The following IL1RAPL2 variants were observed in gnomAD, a reference collection of about 807,000 sequenced individuals.
IL1RAPL2 encodes the protein X-linked interleukin-1 receptor accessory protein-like 2.
Under a neutral mutation model 44.1 loss-of-function variants are expected in IL1RAPL2, and 3 were observed. The ratio of observed to expected loss-of-function variants is 0.07; its 90% CI spans 0.03 to 0.18. IL1RAPL2 has a LOEUF of 0.18. Among genes scored for constraint, IL1RAPL2 ranks in the 10% least tolerant of loss-of-function variants. The pLI is 1.00. For missense variants in IL1RAPL2, 391 were observed against 496.4 expected (o/e 0.79, Z 2.02); for synonymous variants, 181 against 178.8 (o/e 1.01, Z -0.10).
At chrX:104,900,402 G>A (rs1923779450) in intron 2 of IL1RAPL2, among the ~76,000 whole-genome samples, 1 of 110,832 alleles carries the variant, frequency 9.0e-6, no homozygotes, top group Non-Finnish European at 1.9e-5. Flanking sequence ...CTAGACCAGA[G>A]GTTCTTAACA....
At chrX:104,838,415 G>T (rs1225441516) in intron 2 of IL1RAPL2, among the ~76,000 whole-genome samples, 1 of 111,224 alleles carries the variant, frequency 9.0e-6, no homozygotes, top group Non-Finnish European at 1.9e-5. Context: ...GCAGCAGTTT[G>T]TAGTTCTTGA....
intron 2 of IL1RAPL2, among the ~76,000 whole-genome samples, chrX:104,806,610 T>C (rs902346136): frequency 1.4e-4 from 16 of 112,870 alleles, no homozygotes; most frequent in Non-Finnish European, 2.8e-4. Context: ...TTTGAAAAAG[T>C]CATGGAATGG....
intron 6 of IL1RAPL2, among the ~76,000 whole-genome samples, chrX:105,510,499 G>T (rs920436362): frequency 1.8e-5 from 2 of 111,635 alleles, no homozygotes; most frequent in African/African-American, 6.5e-5. Context: ...TACCCCATGT[G>T]GTGGATACAG....
rs186155981 is a variant in IL1RAPL2, at chrX:105,245,555, A to G, written c.543+11551A>G. Among the ~76,000 whole-genome samples the G allele has an allele frequency of 3.3e-3, 373 of 112,738 alleles. 3 individuals carry two copies. The highest frequency in any genetic ancestry group is 0.012 in the African/African-American group (362 of 31,097). ...ACTTTTAGAAGGTTCTTCTGACACT[A>G]TATAAATAGGATTTAGACATTAGAG... On this transcript the variant is annotated intron_variant, in intron 4 of 10. Coordinates refer to ENST00000372582, the MANE Select transcript of IL1RAPL2 (RefSeq NM_017416.2).
intron 2 of IL1RAPL2, among the ~76,000 whole-genome samples, chrX:105,091,690 T>C (rs149622091): frequency 0.046 from 5,134 of 111,759 alleles, 270 homozygotes; most frequent in African/African-American, 0.16. Context: ...TTATCAGAAT[T>C]TTAATTTTGT....
At chrX:104,711,444 A>T (rs1461268951) in intron 2 of IL1RAPL2, among the ~76,000 whole-genome samples, 1 of 110,987 alleles carries the variant, frequency 9.0e-6, no homozygotes, top group Non-Finnish European at 1.9e-5. Flanking sequence ...ACTTGATGAA[A>T]TCTAAGGAAT....
intron 2 of IL1RAPL2, among the ~76,000 whole-genome samples, chrX:105,127,912 A>G (rs1436591580): frequency 1.8e-5 from 2 of 111,382 alleles, no homozygotes; most frequent in Non-Finnish European, 3.8e-5. Flanking sequence ...CAGCCAGAGT[A>G]TACATACATA....
At chrX:105,353,275 G>T (rs1206651781) in intron 5 of IL1RAPL2, among the ~76,000 whole-genome samples, 2 of 111,219 alleles carry the variant, frequency 1.8e-5, no homozygotes, top group East Asian at 5.7e-4. Flanking sequence ...GCTCTGTTCT[G>T]TTCCATTGGT....
rs151016670 is a variant in IL1RAPL2 at position 105,354,889 on chromosome X, C to T, written c.697+87348C>T. The stretch of plus-strand genomic sequence containing the variant: ...ACCTGTCATCGTCTGTGGACTATTC[C>T]CCCTCCTATGCTCTCCATTTCAGTA... On this transcript the variant is annotated intron_variant, in intron 5 of 10. Coordinates refer to ENST00000372582, the MANE Select transcript of IL1RAPL2 (RefSeq NM_017416.2). 5.3e-3 allele frequency among the ~76,000 whole-genome samples: 591 copies of T among 111,207 alleles called. 5 individuals are homozygous for T. The highest frequency in any genetic ancestry group is 0.018 in the African/African-American group (550 of 30,624).
chrX:105,684,726 C>T (rs1325613776), intron 6 of IL1RAPL2, among the ~76,000 whole-genome samples: 1 of 112,391 alleles, frequency 8.9e-6, no homozygotes, highest in Non-Finnish European at 1.9e-5. Context: ...AGACTGCCTC[C>T]TCAAGTGGGT....
At chrX:104,636,772 A>C (rs371690872) in intron 1 of IL1RAPL2, among the ~76,000 whole-genome samples, 23 of 111,977 alleles carry the variant, frequency 2.1e-4, no homozygotes, top group Admixed American at 1.8e-3. Flanking sequence ...AAGGGAATTC[A>C]CTGACCCCTT....
intron 1 of IL1RAPL2, among the ~76,000 whole-genome samples, chrX:104,639,700 G>A (rs1330870249): frequency 9.0e-6 from 1 of 110,800 alleles, no homozygotes; most frequent in African/African-American, 3.3e-5. Context: ...TTCATCTAAT[G>A]GTAATGAATT....
intron 6 of IL1RAPL2, among the ~76,000 whole-genome samples, chrX:105,546,137 T>G (rs1011025981): frequency 1.8e-5 from 2 of 111,211 alleles, no homozygotes; most frequent in African/African-American, 6.5e-5. Context: ...TAATAAAATT[T>G]ATGCCTTGGC....
chrX:105,227,177 T>A (rs1212978048), intron 3 of IL1RAPL2, among the ~76,000 whole-genome samples: 6 of 110,063 alleles, frequency 5.5e-5, no homozygotes, highest in Non-Finnish European at 9.5e-5. Flanking sequence ...CATATGTAAC[T>A]AACCTGCACA....
intron 5 of IL1RAPL2, among the ~76,000 whole-genome samples, chrX:105,464,818 C>A (rs1190205532): frequency 9.0e-6 from 1 of 110,930 alleles, no homozygotes; most frequent in Admixed American, 9.6e-5. Flanking sequence ...AAGCAGGGAC[C>A]AGCCCTGGAC....
chrX:104,980,943 A>G (rs1205235595), intron 2 of IL1RAPL2, among the ~76,000 whole-genome samples: 1 of 111,245 alleles, frequency 9.0e-6, no homozygotes, highest in Non-Finnish European at 1.9e-5. Flanking sequence ...CTTATCCATC[A>G]GCATGGAATG....
intron 10 of IL1RAPL2, among the ~76,000 whole-genome samples, chrX:105,762,348 G>GT (rs1048567783): frequency 3.6e-5 from 4 of 111,329 alleles, no homozygotes; most frequent in Non-Finnish European, 5.7e-5. Flanking sequence ...CTGGCATGAT[G>GT]TTTTTTTCAT....
intron 2 of IL1RAPL2, among the ~76,000 whole-genome samples, chrX:104,693,115 G>A (rs1227551938): frequency 2.7e-5 from 3 of 111,874 alleles, no homozygotes; most frequent in African/African-American, 9.7e-5. Flanking sequence ...AAAAATGTAG[G>A]GTGTACATGC....
intron 5 of IL1RAPL2, among the ~76,000 whole-genome samples, chrX:105,311,312 T>C (rs1247639170): frequency 1.8e-5 from 2 of 110,550 alleles, no homozygotes; most frequent in East Asian, 5.6e-4. Flanking sequence ...CTTAAGTTTA[T>C]GCCTTCTATT....
Sources: gnomAD v4.1 joint callset for allele counts (sites outside exome capture counted in the v4.1 genomes callset) on GRCh38, gnomAD v4.1.1 for gene constraint, MANE v1.5 for transcripts, NCBI Gene and HGNC (gene_info 2026-07-23, HGNC 2026-07-21) for gene names.